ZNF385B: variants seen among roughly 807,000 people sequenced by gnomAD.
ZNF385B encodes zinc finger protein 533.
In ZNF385B, 23 loss-of-function variants were observed where a neutral mutation model predicts 39.2. The observed-to-expected ratio is 0.59, with a 90% confidence interval of 0.42 to 0.83. The LOEUF is 0.83. ZNF385B is among the 40% of genes least tolerant of loss of function. The pLI is 0.00. For synonymous variants in ZNF385B, 205 were observed against 222.6 expected, an observed-to-expected ratio of 0.92 and a Z score of 0.70; for missense variants, 552 against 598.9, an observed-to-expected ratio of 0.92 and a Z score of 0.82.
In ZNF385B at chr2:179,767,528, G is replaced by A. The variant is rs557059407; in HGVS notation, c.298+1975C>T. Among the ~76,000 whole-genome samples, 7 of 152,242 alleles carry A rather than the reference G, an allele frequency of 4.6e-5. No individual in the cohort carries two copies. The East Asian group carries it at 1.4e-3, about 29-fold the overall frequency. Reference sequence around the variant, plus strand: ...AAAGAATCTTTCTGAATACACAAAAGTGAGAAGTTATGAGTTGAGAGAGTG... The same window carrying A: ...AAAGAATCTTTCTGAATACACAAAAATGAGAAGTTATGAGTTGAGAGAGTG... On this transcript the variant is annotated intron_variant, in intron 3 of 9. Transcript: ENST00000410066.
chr2:179,499,828 T>C (rs764141185), intron 5 of ZNF385B, among the ~76,000 whole-genome samples: 1 of 151,990 alleles, frequency 6.6e-6, no homozygotes, highest in Non-Finnish European at 1.5e-5. Context: ...GACCTCCAAA[T>C]TGGAAAGAAA....
rs1022090616 is a variant in ZNF385B, at chr2:179,506,601, A to G, written c.552+11927T>C. ...ATTACTGTGATGGACTAATATACAT[A>G]TTTTTCTCCATTTATAAAATACATT... On this transcript the variant is annotated intron_variant, in intron 5 of 9. Transcript: ENST00000410066. Among the ~76,000 whole-genome samples the G allele has an allele frequency of 8.3e-4, 127 of 152,174 alleles. 1 individual carries two copies. Among genetic ancestry groups the G allele is most frequent in the African/African-American group, 2.7e-3 (114 of 41,538 alleles).
intron 3 of ZNF385B, among the ~76,000 whole-genome samples, chr2:179,684,409 T>G (rs997078796): frequency 6.6e-6 from 1 of 152,212 alleles, no homozygotes; most frequent in African/African-American, 2.4e-5. Flanking sequence ...CAAGAAAGCC[T>G]TAGGTTACCT....
intron 3 of ZNF385B, among the ~76,000 whole-genome samples, chr2:179,652,011 G>A (rs1693237579): frequency 6.6e-6 from 1 of 152,276 alleles, no homozygotes; most frequent in African/African-American, 2.4e-5. Context: ...TGTACTGCCA[G>A]AGAAAATTTT....
chr2:179,506,779 T>C (rs2057287436), intron 5 of ZNF385B, among the ~76,000 whole-genome samples: 1 of 152,192 alleles, frequency 6.6e-6, no homozygotes, highest in Admixed American at 6.5e-5. Flanking sequence ...CAATTATTTC[T>C]GAAAATGCCT....
At chr2:179,628,632 T>C (rs1215226663) in intron 3 of ZNF385B, among the ~76,000 whole-genome samples, 1 of 152,228 alleles carries the variant, frequency 6.6e-6, no homozygotes, top group Non-Finnish European at 1.5e-5. Context: ...CTCATCCTAA[T>C]TCATCTTATA....
chr2:179,789,704 C>G (rs889291332), intron 1 of ZNF385B, among the ~76,000 whole-genome samples: 3 of 152,168 alleles, frequency 2.0e-5, no homozygotes, highest in African/African-American at 7.2e-5. Flanking sequence ...AAACTTCTTT[C>G]CTCTCTCCTC....
At position 179,586,450 on chromosome 2, in the gene ZNF385B, A is replaced by G. The variant is rs544253921; in HGVS notation, c.299-41481T>C. 2.6e-5 allele frequency among the ~76,000 whole-genome samples: 4 copies of G among 152,308 alleles called. No individual in the cohort carries two copies. In the East Asian group the frequency reaches 7.7e-4, roughly 29 times the overall value. ...TTAAAGGAATTTAGTCTAAGCCTCT[A>G]TTATTACCAATAAGGAAACAAGGCC... On this transcript the variant is annotated intron_variant, in intron 3 of 9. Transcript: ENST00000410066.
intron 3 of ZNF385B, among the ~76,000 whole-genome samples, chr2:179,654,062 C>A (rs1242047467): frequency 6.6e-6 from 1 of 152,108 alleles, no homozygotes; most frequent in Non-Finnish European, 1.5e-5. Flanking sequence ...GATTTGGTGA[C>A]AGAGGTGCAA....
chr2:179,836,357 AC>A (rs1316109345), intron 1 of ZNF385B, among the ~76,000 whole-genome samples: 1 of 152,078 alleles, frequency 6.6e-6, no homozygotes, highest in Non-Finnish European at 1.5e-5. Flanking sequence ...ACACTGCCAA[AC>A]CCTGCAGGTT....
chr2:179,526,560 A>G (rs1253676451), intron 4 of ZNF385B, among the ~76,000 whole-genome samples: 1 of 152,044 alleles, frequency 6.6e-6, no homozygotes. Flanking sequence ...GCACCATTGC[A>G]CTCCAACCTG....
chr2:179,686,602 T>G (rs1479607788), intron 3 of ZNF385B, among the ~76,000 whole-genome samples: 1 of 152,106 alleles, frequency 6.6e-6, no homozygotes, highest in Admixed American at 6.6e-5. Flanking sequence ...GAATGACTGG[T>G]CGGCAGTTAG....
chr2:179,849,206 G>C (rs62180410), intron 1 of ZNF385B, among the ~76,000 whole-genome samples: 2 of 152,126 alleles, frequency 1.3e-5, no homozygotes, highest in African/African-American at 4.8e-5. Context: ...TTCTGGCTTC[G>C]TGGTTATTCA....
intron 3 of ZNF385B, among the ~76,000 whole-genome samples, chr2:179,707,352 C>A (rs1699683267): frequency 6.6e-6 from 1 of 152,202 alleles, no homozygotes; most frequent in African/African-American, 2.4e-5. Context: ...CCTGAGGAAG[C>A]ACCTCTATGA....
chr2:179,729,139 A>AAAC (rs1198554195), intron 3 of ZNF385B, among the ~76,000 whole-genome samples: 13 of 147,840 alleles, frequency 8.8e-5, no homozygotes, highest in East Asian at 4.9e-4. Context: ...AAAAAAAAAA[A>AAAC]AAAAAAAACC....
intron 6 of ZNF385B, among the ~76,000 whole-genome samples, chr2:179,462,263 T>C (rs1360261856): frequency 6.6e-6 from 1 of 152,212 alleles, no homozygotes; most frequent in Non-Finnish European, 1.5e-5. Context: ...TCTGAAATCA[T>C]TCTCTGCTTT....
intron 4 of ZNF385B, among the ~76,000 whole-genome samples, chr2:179,521,152 A>C (rs1399838489): frequency 6.6e-6 from 1 of 151,308 alleles, no homozygotes; most frequent in African/African-American, 2.4e-5. Context: ...AATTTTTTAC[A>C]TAACTCCTAA....
At chr2:179,639,976 C>T (rs1481494577) in intron 3 of ZNF385B, among the ~76,000 whole-genome samples, 1 of 152,270 alleles carries the variant, frequency 6.6e-6, no homozygotes, top group East Asian at 1.9e-4. Context: ...TGCAGATAGC[C>T]TGCCAAAAAT....
chr2:179,831,542 G>C (rs917174642), intron 1 of ZNF385B, among the ~76,000 whole-genome samples: 2 of 149,470 alleles, frequency 1.3e-5, no homozygotes, highest in Admixed American at 1.3e-4. Context: ...AAGATTTTTT[G>C]TTTTTAAAAA....
Sources: gnomAD v4.1 joint callset for allele counts (sites outside exome capture counted in the v4.1 genomes callset) on GRCh38, gnomAD v4.1.1 for gene constraint, MANE v1.5 for transcripts, NCBI Gene and HGNC (gene_info 2026-07-23, HGNC 2026-07-21) for gene names.